The following AGBL1 variants were observed in gnomAD, a reference collection of about 807,000 sequenced individuals.
AGBL1 encodes the protein cytosolic carboxypeptidase 4.
In AGBL1, 130 loss-of-function variants were observed where a neutral mutation model predicts 118.9. The observed-to-expected ratio is 1.09, with a 90% CI of 0.95 to 1.26. The LOEUF is 1.26. Ranked by LOEUF, AGBL1 falls within the 50% of genes most tolerant of loss-of-function variation. The pLI is 0.00. For synonymous variants in AGBL1, 555 were observed against 478.9 expected (o/e 1.16, Z -2.08); for missense variants, 1,584 against 1,298.1 (o/e 1.22, Z -3.38).
chr15:86,413,468 T>C (rs1406212590), intron 18 of AGBL1, among the ~76,000 whole-genome samples: 2 of 152,186 alleles, frequency 1.3e-5, no homozygotes, highest in African/African-American at 4.8e-5. Context: ...TCCATAGGGA[T>C]AATAATTTAC....
chr15:86,678,545 A>G (rs1198127022), intron 22 of AGBL1, among the ~76,000 whole-genome samples: 2 of 151,946 alleles, frequency 1.3e-5, no homozygotes, highest in East Asian at 3.9e-4. Context: ...AAGGTACTCA[A>G]CTTCTGTTTG....
At chr15:86,102,582 C>T (rs1011756551) in intron 1 of AGBL1, among the ~76,000 whole-genome samples, 6 of 152,152 alleles carry the variant, frequency 3.9e-5, no homozygotes, top group Non-Finnish European at 8.8e-5. Context: ...AATATTCCCG[C>T]CCCACCAGCA....
intron 24 of AGBL1, among the ~76,000 whole-genome samples, chr15:87,023,608 T>TTAATC (rs1423986234): frequency 1.3e-5 from 2 of 152,072 alleles, no homozygotes; most frequent in Non-Finnish European, 2.9e-5. Flanking sequence ...AACAATGGAT[T>TTAATC]TAATCTATAC....
chr15:86,610,647 T>C (rs1036945953), intron 21 of AGBL1, among the ~76,000 whole-genome samples: 2 of 152,150 alleles, frequency 1.3e-5, no homozygotes, highest in African/African-American at 4.8e-5. Flanking sequence ...TGGGGAAGAA[T>C]AAAAGGAATG....
chr15:86,125,092 T>C (rs1224142470), intron 1 of AGBL1, among the ~76,000 whole-genome samples: 1 of 152,210 alleles, frequency 6.6e-6, no homozygotes, highest in African/African-American at 2.4e-5. Context: ...AGTAAAGAAC[T>C]TTGGTTTTCA....
At chr15:87,022,100 G>C (rs921794077) in intron 24 of AGBL1, among the ~76,000 whole-genome samples, 4 of 152,086 alleles carry the variant, frequency 2.6e-5, no homozygotes, top group Non-Finnish European at 1.5e-5. Context: ...AAGGGGGAGA[G>C]TACTACCTCA....
At chr15:86,807,630 A>C (rs2078736470) in intron 22 of AGBL1, among the ~76,000 whole-genome samples, 1 of 151,992 alleles carries the variant, frequency 6.6e-6, no homozygotes, top group African/African-American at 2.4e-5. Flanking sequence ...AAGTGTGTTG[A>C]CCTTGGAGCC....
chr15:86,998,518 A>G (rs1297106607), intron 24 of AGBL1, among the ~76,000 whole-genome samples: 2 of 152,182 alleles, frequency 1.3e-5, no homozygotes, highest in African/African-American at 4.8e-5. Flanking sequence ...GTAGCCTCTT[A>G]AAGATTCTGA....
chr15:86,579,809 A>T (rs942748789), intron 21 of AGBL1, among the ~76,000 whole-genome samples: 1 of 152,108 alleles, frequency 6.6e-6, no homozygotes, highest in African/African-American at 2.4e-5. Flanking sequence ...ACATGAAGAG[A>T]TATTCAGGAG....
chr15:86,629,463 G>A (rs747980958), intron 21 of AGBL1, among the ~76,000 whole-genome samples: 2 of 152,066 alleles, frequency 1.3e-5, no homozygotes, highest in African/African-American at 4.8e-5. Flanking sequence ...AAGCCTAAAG[G>A]CAAGCTTTAT....
downstream of AGBL1, among the ~76,000 whole-genome samples, chr15:86,918,408 G>C (rs1360699347): frequency 3.3e-5 from 5 of 152,064 alleles, no homozygotes; most frequent in Non-Finnish European, 7.4e-5. Flanking sequence ...AGTGGCAGTG[G>C]ACATCTCCTC....
chr15:86,189,435 G>A (rs530213675), intron 5 of AGBL1, among the ~76,000 whole-genome samples: 1 of 152,092 alleles, frequency 6.6e-6, no homozygotes, highest in Non-Finnish European at 1.5e-5. Flanking sequence ...TTGACCCCTC[G>A]AAATCTCATG....
chr15:86,507,262 T>G (rs918082694), intron 18 of AGBL1, among the ~76,000 whole-genome samples: 14 of 152,088 alleles, frequency 9.2e-5, no homozygotes, highest in Non-Finnish European at 1.5e-5. Context: ...AAGATGAAGA[T>G]CTAATCATTT....
At chr15:86,999,177 C>T (rs994573099) in intron 24 of AGBL1, among the ~76,000 whole-genome samples, 4 of 148,696 alleles carry the variant, frequency 2.7e-5, no homozygotes, top group Non-Finnish European at 4.4e-5. Context: ...CTACAAAAGA[C>T]ATGAACTCAT....
chr15:87,027,731 AGAGACACAAATG>A (rs2081747034), intron 24 of AGBL1, among the ~76,000 whole-genome samples: 1 of 152,062 alleles, frequency 6.6e-6, no homozygotes. Flanking sequence ...TGTCATTTGC[AGAGACACAAATG>A]GAGTTGGAAG....
chr15:86,085,296 G>C (rs75040234), intron 1 of AGBL1, among the ~76,000 whole-genome samples: 1 of 152,092 alleles, frequency 6.6e-6, no homozygotes. Context: ...ATCTTCCCCC[G>C]GTCATGGCGG....
intron 17 of AGBL1, among the ~76,000 whole-genome samples, chr15:86,333,841 C>G (rs2080314836): frequency 6.6e-6 from 1 of 152,174 alleles, no homozygotes. Flanking sequence ...TCTCCATGAT[C>G]AAGTAGGCTT....
intron 22 of AGBL1, among the ~76,000 whole-genome samples, chr15:86,866,513 C>A (rs553882186): frequency 6.0e-4 from 92 of 152,314 alleles, no homozygotes; most frequent in African/African-American, 2.1e-3. Flanking sequence ...CCTACTCTTT[C>A]CCAAAGGAGG....
intron 23 of AGBL1, among the ~76,000 whole-genome samples, chr15:86,949,273 T>G (rs993410899): frequency 6.6e-6 from 1 of 152,108 alleles, no homozygotes; most frequent in African/African-American, 2.4e-5. Flanking sequence ...AAGATGAAAT[T>G]TGAAATCTGT....
Sources: allele counts gnomAD v4.1 joint callset (sites outside exome capture counted in the v4.1 genomes callset), GRCh38; gene constraint gnomAD v4.1.1; transcripts MANE v1.5; gene names NCBI Gene and HGNC (gene_info 2026-07-23, HGNC 2026-07-21).